SIPA1L2: variants seen among roughly 807,000 people sequenced by gnomAD.
The protein encoded by SIPA1L2 is signal-induced proliferation-associated 1-like protein 2.
SIPA1L2 carries 56 observed loss-of-function variants against 163.9 expected under a neutral mutation model. The ratio of observed to expected loss-of-function variants is 0.34; its 90% CI spans 0.28 to 0.43. The LOEUF is 0.43. Ranked by LOEUF, SIPA1L2 falls within the 20% of genes least tolerant of loss-of-function variation. The pLI, the probability that SIPA1L2 is intolerant of heterozygous loss-of-function variation, is 1.00. For synonymous variants in SIPA1L2, 877 were observed against 865.7 expected, an observed-to-expected ratio of 1.01 and a Z score of -0.23; for missense variants, 1,974 against 2,193.5, an observed-to-expected ratio of 0.90 and a Z score of 2.00.
intron 8 of SIPA1L2, among the ~76,000 whole-genome samples, chr1:232,469,677 T>C (rs906246889): frequency 5.3e-5 from 8 of 152,152 alleles, no homozygotes; most frequent in Admixed American, 1.3e-4. Context: ...GATTGGCATA[T>C]GGTATCTTTA....
chr1:232,549,126 C>T lies in SIPA1L2; in HGVS notation c.-270+25048G>A, dbSNP rs1453341184. 2.0e-5 allele frequency among the ~76,000 whole-genome samples: 3 copies of T among 152,214 alleles called. No individual in the cohort carries two copies. In the East Asian group the frequency reaches 5.8e-4, roughly 29 times the overall value. ...TTTCATGCTGGGTCTGTGCCACCAGCACCCTGTCCTCCACACAACCCAAGT... is the reference window on the plus strand; with the variant it reads ...TTTCATGCTGGGTCTGTGCCACCAGTACCCTGTCCTCCACACAACCCAAGT... On this transcript the variant is annotated intron_variant, in intron 2 of 22. Coordinates refer to ENST00000674635, the MANE Select transcript of SIPA1L2 (RefSeq NM_020808.5).
At chr1:232,433,681 T>G (rs1008091068) in intron 15 of SIPA1L2, among the ~76,000 whole-genome samples, 2 of 152,242 alleles carry the variant, frequency 1.3e-5, no homozygotes, top group Non-Finnish European at 2.9e-5. Flanking sequence ...AAATATCTTT[T>G]TCTTAAATTA....
At chr1:232,479,248 T>C (rs1665197538) in intron 7 of SIPA1L2, among the ~76,000 whole-genome samples, 1 of 151,984 alleles carries the variant, frequency 6.6e-6, no homozygotes, top group South Asian at 2.1e-4. Context: ...CAGCTGAAAA[T>C]AGCACCAGTA....
intron 2 of SIPA1L2, among the ~76,000 whole-genome samples, chr1:232,572,734 CATACATATATAT>C (rs1477907010): frequency 2.7e-4 from 18 of 67,336 alleles, no homozygotes; most frequent in African/African-American, 8.4e-4. Flanking sequence ...TATATACATA[CATACATATATAT>C]ATATATATAT....
chr1:232,410,075 T>C (rs16857017), intron 19 of SIPA1L2, among the ~76,000 whole-genome samples: 3,635 of 152,280 alleles, frequency 0.024, 153 homozygotes, highest in African/African-American at 0.082. Context: ...CCTTTTTTTC[T>C]TTGCATTCCT....
intron 7 of SIPA1L2, among the ~76,000 whole-genome samples, chr1:232,477,132 G>T (rs570069087): frequency 4.6e-5 from 7 of 152,310 alleles, no homozygotes; most frequent in African/African-American, 1.7e-4. Context: ...ACATTCTGAT[G>T]ACAACCTGTG....
At chr1:232,467,754 T>C (rs1664598242) in intron 8 of SIPA1L2, among the ~76,000 whole-genome samples, 1 of 152,236 alleles carries the variant, frequency 6.6e-6, no homozygotes, top group Non-Finnish European at 1.5e-5. Context: ...TCCAGTGCAT[T>C]ACTTCTTTGC....
chr1:232,497,642 C>T (rs1322571512), intron 3 of SIPA1L2, among the ~76,000 whole-genome samples: 1 of 152,204 alleles, frequency 6.6e-6, no homozygotes, highest in East Asian at 1.9e-4. Context: ...AGTGGCCACT[C>T]ACTTCTTGGC....
intron 1 of SIPA1L2, among the ~76,000 whole-genome samples, chr1:232,609,164 G>T (rs1156574893): frequency 1.3e-5 from 2 of 152,146 alleles, no homozygotes; most frequent in Admixed American, 6.5e-5. Context: ...AGATCATTAG[G>T]ATGGTGTTAA....
rs201002732 is a variant in SIPA1L2, at chr1:232,403,500, G to T, written c.4888C>A (p.Leu1630Met). The T allele has an allele frequency of 3.1e-4, 494 of 1,614,036 alleles. No homozygotes were observed. Among genetic ancestry groups the T allele is most frequent in the Non-Finnish European group, 3.9e-4 (466 of 1,180,018 alleles). The change falls in exon 21 of 23, where the codon CTG becomes ATG. Residue 1630 changes from leucine to methionine, a missense_variant. By Grantham distance (15) the Leu-to-Met change is conservative (BLOSUM62 2). This residue lies in a region of SIPA1L2 where 1,079 missense variants were observed against 1,150.7 expected (regional missense o/e 0.94). Transcript: ENST00000674635. ...CTGCCTGGATCTACACATAAGGGCA[G>T]CTCTTGGGCCCCTTCCAGGTCCTGC... ...HGQDLEGAQELPLCVDPGSGK... is the reference protein window; with the variant it reads ...HGQDLEGAQEMPLCVDPGSGK...
At chr1:232,446,387 C>A (rs945748783) in intron 10 of SIPA1L2, among the ~76,000 whole-genome samples, 2 of 152,236 alleles carry the variant, frequency 1.3e-5, no homozygotes, top group South Asian at 2.1e-4. Flanking sequence ...AGCAAATATT[C>A]GTCATTTTTA....
intron 8 of SIPA1L2, among the ~76,000 whole-genome samples, chr1:232,470,338 T>C (rs909622627): frequency 1.3e-5 from 2 of 152,198 alleles, no homozygotes; most frequent in East Asian, 1.9e-4. Flanking sequence ...AGTAGAGCCA[T>C]AGACTAGGGC....
chr1:232,451,154 C>T (rs559291734), intron 10 of SIPA1L2, among the ~76,000 whole-genome samples: 31 of 152,244 alleles, frequency 2.0e-4, no homozygotes, highest in South Asian at 8.3e-4. Context: ...CTGATATAAG[C>T]GATCATCAAA....
At chr1:232,434,379 G>C (rs138228130) in intron 15 of SIPA1L2, among the ~76,000 whole-genome samples, 47 of 152,246 alleles carry the variant, frequency 3.1e-4, no homozygotes, top group African/African-American at 1.1e-3. Flanking sequence ...CAAACAAAGC[G>C]CCTCATCTAC....
intron 1 of SIPA1L2, among the ~76,000 whole-genome samples, chr1:232,576,932 T>C (rs1219457304): frequency 6.6e-6 from 1 of 152,160 alleles, no homozygotes; most frequent in African/African-American, 2.4e-5. Flanking sequence ...AGAAGAAAAG[T>C]CTGCAGGTAG....
chr1:232,614,292 C>T (rs998092533), intron 1 of SIPA1L2, among the ~76,000 whole-genome samples: 1 of 152,162 alleles, frequency 6.6e-6, no homozygotes, highest in African/African-American at 2.4e-5. Context: ...AAAGCACACA[C>T]ATCTTAGAGG....
At chr1:232,479,041 T>G (rs4649269) in intron 7 of SIPA1L2, among the ~76,000 whole-genome samples, 38,357 of 152,176 alleles carry the variant, frequency 0.25, 4,969 homozygotes, top group Admixed American at 0.35. Flanking sequence ...AAAAAAAACT[T>G]GCTTGACTCA....
chr1:232,620,246 AG>A (rs1381683713), intron 1 of SIPA1L2, among the ~76,000 whole-genome samples: 9 of 152,132 alleles, frequency 5.9e-5, no homozygotes. Context: ...AGAAGATAAA[AG>A]TTCACTTTTA....
At chr1:232,433,731 T>G (rs1662386206) in intron 15 of SIPA1L2, among the ~76,000 whole-genome samples, 2 of 152,028 alleles carry the variant, frequency 1.3e-5, no homozygotes, top group African/African-American at 4.8e-5. Flanking sequence ...CAAAAGTTAC[T>G]TTATAAATAT....
Sources: allele counts gnomAD v4.1 joint callset (sites outside exome capture counted in the v4.1 genomes callset), GRCh38; gene constraint gnomAD v4.1.1; regional missense constraint gnomAD v4.1.1; transcripts MANE v1.5; gene names NCBI Gene and HGNC (gene_info 2026-07-23, HGNC 2026-07-21).